The following KLHL14 variants were observed in gnomAD, a reference collection of about 807,000 sequenced individuals.
KLHL14 encodes kelch-like protein 14.
KLHL14 carries 22 observed loss-of-function variants against 64.3 expected under a neutral mutation model. The ratio of observed to expected loss-of-function variants is 0.34; its 90% CI spans 0.24 to 0.49. The LOEUF is 0.49. Among genes scored for constraint, KLHL14 ranks in the 20% least tolerant of loss-of-function variants. The pLI, the probability that KLHL14 is intolerant of heterozygous loss-of-function variation, is 0.99. For missense variants in KLHL14, 661 were observed against 789.0 expected (o/e 0.84, Z 1.94); for synonymous variants, 322 against 333.4 (o/e 0.97, Z 0.37).
chr18:32,759,919 A>G (rs1007496741), intron 2 of KLHL14, among the ~76,000 whole-genome samples: 8 of 152,166 alleles, frequency 5.3e-5, no homozygotes, highest in Admixed American at 2.0e-4. Context: ...CTGTTAATGC[A>G]TATGAAATAG....
intron 3 of KLHL14, chr18:32,734,336 T>G (rs1598569086): frequency 1.5e-6 from 1 of 676,478 alleles, no homozygotes; most frequent in South Asian, 1.6e-5. Flanking sequence ...TGGAGATGCA[T>G]GTCAAGATGG....
In KLHL14 at chr18:32,680,214, C is replaced by CA; in HGVS notation, c.1542dup (p.Val515CysfsTer4). 6.2e-7 allele frequency: 1 copy of CA among 1,613,806 alleles called. No individual in the cohort carries two copies. The highest frequency in any genetic ancestry group is 8.5e-7 in the Non-Finnish European group (1 of 1,179,794). On this transcript the variant is annotated frameshift_variant, in exon 7 of 9. Coordinates refer to ENST00000359358, the MANE Select transcript of KLHL14 (RefSeq NM_020805.3). LOFTEE classifies it high-confidence loss of function. The surrounding 1 kb of genome is among the most constrained non-coding windows in gnomAD (Gnocchi z 4.8). ...ATTGCATACAAGCGATCATTCATTA[C>CA]AGCCAAAGTGTGAATTGCACGTTTT...
chr18:32,677,414 T>C lies in KLHL14; in HGVS notation c.1589-84A>G. 8.1e-6 allele frequency: 10 copies of C among 1,235,948 alleles called. 1 individual carries two copies. In the South Asian group the frequency reaches 1.6e-4, roughly 20 times the overall value. 76.6% of individuals were successfully genotyped at this position (1,235,948 alleles called of 1,614,324 possible). The stretch of plus-strand genomic sequence containing the variant: ...GGCTAGGGCTTCTTTTAAAAACAAG[T>C]CTCAAGCCAAAATAGATAATTATGT... On this transcript the variant is annotated intron_variant, in intron 7 of 8. Transcript: ENST00000359358.
intron 2 of KLHL14, among the ~76,000 whole-genome samples, chr18:32,756,558 G>A (rs1381366865): frequency 1.3e-5 from 2 of 152,138 alleles, no homozygotes; most frequent in Admixed American, 6.5e-5. Flanking sequence ...GGCTTGAGGG[G>A]CTCTTTCCTG....
intron 3 of KLHL14, among the ~76,000 whole-genome samples, chr18:32,701,478 G>A (rs922384310): frequency 6.6e-6 from 1 of 152,164 alleles, no homozygotes; most frequent in Non-Finnish European, 1.5e-5. Flanking sequence ...TGTGTGTTGT[G>A]AGCACCTTGG....
chr18:32,701,284 G>C (rs1022154472), intron 3 of KLHL14, among the ~76,000 whole-genome samples: 9 of 152,286 alleles, frequency 5.9e-5, no homozygotes, highest in Non-Finnish European at 1.0e-4. Context: ...ATATGATAGA[G>C]AGGATGAACA....
chr18:32,681,989 T>C (rs1384195864), intron 5 of KLHL14, among the ~76,000 whole-genome samples: 2 of 152,204 alleles, frequency 1.3e-5, no homozygotes, highest in African/African-American at 2.4e-5. Context: ...CTCACAGGGC[T>C]ATTGGCAAAT....
intron 1 of KLHL14, chr18:32,772,301 T>C: frequency 6.0e-6 from 2 of 335,210 alleles, no homozygotes; most frequent in Admixed American, 3.1e-5. Context: ...GACCCTACCC[T>C]CCCTCGCGCT....
intron 5 of KLHL14, among the ~76,000 whole-genome samples, chr18:32,686,177 ATTTTTTTTTTT>A (rs148393455): frequency 1.9e-5 from 2 of 107,674 alleles, no homozygotes; most frequent in South Asian, 3.1e-4. Context: ...GTGCCCGGCT[ATTTTTTTTTTT>A]TTTTTTTTTT....
At chr18:32,763,108 G>T (rs1468472424) in intron 2 of KLHL14, among the ~76,000 whole-genome samples, 8 of 138,270 alleles carry the variant, frequency 5.8e-5, no homozygotes, top group East Asian at 2.0e-4. Context: ...AAGCTTCAAG[G>T]TTTTTTTTTT....
At chr18:32,677,937 T>A (rs2144463158) in intron 7 of KLHL14, among the ~76,000 whole-genome samples, 1 of 152,224 alleles carries the variant, frequency 6.6e-6, no homozygotes, top group East Asian at 1.9e-4. Context: ...TCTCAGAATG[T>A]TTTAATAGAT....
chr18:32,695,413 A>G, intron 4 of KLHL14, 50 bp downstream of exon 4: 2 of 1,124,716 alleles, frequency 1.8e-6, no homozygotes, highest in South Asian at 1.2e-5. Flanking sequence ...GATGCCCTTC[A>G]TTACACACAT....
chr18:32,686,686 C>T (rs552331410), intron 5 of KLHL14, among the ~76,000 whole-genome samples: 1 of 152,094 alleles, frequency 6.6e-6, no homozygotes, highest in East Asian at 1.9e-4. Context: ...TTCAATATTT[C>T]ATATCTAATT....
In KLHL14 at chr18:32,751,486, T is replaced by C. The variant is rs539570650; in HGVS notation, c.948-9437A>G. Among the ~76,000 whole-genome samples, 5 of 152,248 alleles carry C rather than the reference T, an allele frequency of 3.3e-5. No individual in the cohort carries two copies. The South Asian group carries it at 1.0e-3, about 32-fold the overall frequency. On this transcript the variant is annotated intron_variant, in intron 2 of 8. Transcript: ENST00000359358. ...CTTTTCCAGTGTGCAGGATGGGTTT[T>C]ATTTTCCTCCATTTCACACAAGAAA...
At chr18:32,718,953 T>G (rs2050060456) in intron 3 of KLHL14, among the ~76,000 whole-genome samples, 1 of 152,212 alleles carries the variant, frequency 6.6e-6, no homozygotes, top group Non-Finnish European at 1.5e-5. Context: ...TGAACTTTCT[T>G]TCTTTTTTTT....
At chr18:32,704,754 T>A (rs2049982178) in intron 3 of KLHL14, among the ~76,000 whole-genome samples, 1 of 152,118 alleles carries the variant, frequency 6.6e-6, no homozygotes, top group Non-Finnish European at 1.5e-5. Flanking sequence ...AGCAGCTAAT[T>A]CATTTCATTC....
At chr18:32,710,169 A>G (rs2050011883) in intron 3 of KLHL14, among the ~76,000 whole-genome samples, 1 of 152,232 alleles carries the variant, frequency 6.6e-6, no homozygotes, top group African/African-American at 2.4e-5. Flanking sequence ...CATTACAAAC[A>G]AACTGTAAAA....
At chr18:32,686,104 T>TC (rs2049876737) in intron 5 of KLHL14, among the ~76,000 whole-genome samples, 1 of 151,002 alleles carries the variant, frequency 6.6e-6, no homozygotes, top group Non-Finnish European at 1.5e-5. Context: ...CTCTGCCCTC[T>TC]GAGTTTAAGC....
chr18:32,770,839 G>T lies in KLHL14; in HGVS notation c.-43-205C>A. 1 of 483,660 alleles carries T rather than the reference G, an allele frequency of 2.1e-6. No homozygotes were observed. The highest frequency in any genetic ancestry group is 3.4e-5 in the East Asian group (1 of 29,156). 30.0% of individuals were successfully genotyped at this position (483,660 alleles called of 1,614,324 possible). A position where few individuals can be genotyped will look rare whatever the true frequency, so the allele number is the denominator to read the frequency against. ...CTGGATCCGTGAGCGCCACCAGAAG[G>T]GCCCTGTCTGGGGTCCCGGCGCCGG... is the stretch of plus-strand genomic sequence containing the variant. On this transcript the variant is annotated intron_variant, in intron 1 of 8. Transcript: ENST00000359358. This position sits in a 1 kb window ranked among gnomAD's most constrained non-coding sequence, Gnocchi z 6.7.
Sources: allele counts gnomAD v4.1 joint callset (sites outside exome capture counted in the v4.1 genomes callset), GRCh38; gene constraint gnomAD v4.1.1; non-coding constraint Gnocchi (gnomAD v3.1); transcripts MANE v1.5; gene names NCBI Gene and HGNC (gene_info 2026-07-23, HGNC 2026-07-21).